The following CELF4 variants were observed in gnomAD, a reference collection of about 807,000 sequenced individuals.
The protein encoded by CELF4 is CUGBP Elav-like family member 4, also known as CUG-BP- and ETR-3-like factor 4.
Under a neutral mutation model 59.9 loss-of-function variants are expected in CELF4, and 18 were observed. That is an observed-to-expected ratio of 0.30 (90% CI 0.21 to 0.45). CELF4 has a LOEUF of 0.45. Among genes scored for constraint, CELF4 ranks in the 20% least tolerant of loss-of-function variants. CELF4 has a pLI of 1.00. For missense variants in CELF4, 456 were observed against 689.0 expected, an observed-to-expected ratio of 0.66 and a Z score of 3.79; for synonymous variants, 261 against 267.1, an observed-to-expected ratio of 0.98 and a Z score of 0.22.
rs577901089 is a variant in CELF4 at position 37,436,358 on chromosome 18, G to A, written c.369+49167C>T. 1.1e-4 allele frequency among the ~76,000 whole-genome samples: 16 copies of A among 152,326 alleles called. No homozygotes were observed. In the South Asian group the frequency reaches 2.1e-3, roughly 20 times the overall value. On this transcript the variant is annotated intron_variant, in intron 2 of 12. Transcript: ENST00000420428. ...ACCATTTCCTGAGGGCTTCCTGCCC[G>A]GGGTGCTGTGCTAAAAGCTCCTCGC...
intron 1 of CELF4, among the ~76,000 whole-genome samples, chr18:37,504,757 A>G (rs115156001): frequency 0.018 from 2,719 of 152,124 alleles, 88 homozygotes; most frequent in African/African-American, 0.062. Context: ...CACTGGCTCT[A>G]TTTTCATTTT....
intron 2 of CELF4, among the ~76,000 whole-genome samples, chr18:37,330,325 G>A (rs2154530828): frequency 6.6e-6 from 1 of 152,296 alleles, no homozygotes; most frequent in South Asian, 2.1e-4. Flanking sequence ...AGTCGCTGTG[G>A]GAGGAAAGAA....
intron 2 of CELF4, among the ~76,000 whole-genome samples, chr18:37,342,906 G>A (rs1466194298): frequency 6.6e-6 from 1 of 152,190 alleles, no homozygotes; most frequent in Admixed American, 6.5e-5. Context: ...CCTATGTCAT[G>A]TCCCTGGCGG....
At chr18:37,428,070 C>A (rs946222805) in intron 2 of CELF4, among the ~76,000 whole-genome samples, 3 of 152,242 alleles carry the variant, frequency 2.0e-5, no homozygotes, top group African/African-American at 7.2e-5. Flanking sequence ...GTTCTGGGAG[C>A]AGCAGCTACC....
At chr18:37,266,436 G>A (rs1036411422) in intron 9 of CELF4, 97 bp downstream of exon 9, 2 of 1,173,756 alleles carry the variant, frequency 1.7e-6, no homozygotes, top group Admixed American at 2.0e-5. Context: ...CCCACCCCAT[G>A]CAGTGCTGGC....
chr18:37,365,729 G>A (rs926807986), intron 2 of CELF4, among the ~76,000 whole-genome samples: 3 of 151,976 alleles, frequency 2.0e-5, no homozygotes, highest in African/African-American at 4.8e-5. Flanking sequence ...CAGGTGATCC[G>A]CCCGCCTTGG....
chr18:37,293,373 G>A (rs1012070901), intron 3 of CELF4, among the ~76,000 whole-genome samples: 8 of 152,122 alleles, frequency 5.3e-5, no homozygotes, highest in African/African-American at 1.4e-4. Context: ...TTGTAGCTGC[G>A]TCACTCCAGT....
chr18:37,561,847 C>A (rs995262417), intron 1 of CELF4, among the ~76,000 whole-genome samples: 7 of 152,146 alleles, frequency 4.6e-5, no homozygotes, highest in African/African-American at 1.7e-4. Flanking sequence ...TCTCTTTAAT[C>A]AATAGTACAA....
intron 2 of CELF4, among the ~76,000 whole-genome samples, chr18:37,393,711 G>GGT (rs1268349350): frequency 6.6e-6 from 1 of 152,092 alleles, no homozygotes; most frequent in African/African-American, 2.4e-5. Context: ...AGTCTCTCTT[G>GGT]GTGACAGGTG....
At chr18:37,361,536 G>A (rs1342262046) in intron 2 of CELF4, among the ~76,000 whole-genome samples, 1 of 152,154 alleles carries the variant, frequency 6.6e-6, no homozygotes, top group Non-Finnish European at 1.5e-5. Context: ...TATGCAAATC[G>A]AGAGTCTTGG....
intron 2 of CELF4, among the ~76,000 whole-genome samples, chr18:37,394,208 GCCACCTC>G (rs1234016906): frequency 6.6e-6 from 1 of 152,172 alleles, no homozygotes; most frequent in Non-Finnish European, 1.5e-5. Context: ...CTCGGCAGCC[GCCACCTC>G]CCACTCTGGA....
At chr18:37,528,436 G>A (rs1005064543) in intron 1 of CELF4, among the ~76,000 whole-genome samples, 2 of 152,180 alleles carry the variant, frequency 1.3e-5, no homozygotes, top group South Asian at 2.1e-4. Flanking sequence ...ATGTCTTATC[G>A]GTGGGGGGTC....
At chr18:37,562,758 A>T (rs974214259) in intron 1 of CELF4, among the ~76,000 whole-genome samples, 1 of 152,226 alleles carries the variant, frequency 6.6e-6, no homozygotes, top group African/African-American at 2.4e-5. Flanking sequence ...CTCTTCTAGG[A>T]CTGAATAAAC....
chr18:37,442,976 C>T (rs1354247940), intron 2 of CELF4, among the ~76,000 whole-genome samples: 2 of 152,202 alleles, frequency 1.3e-5, no homozygotes, highest in Admixed American at 6.5e-5. Flanking sequence ...CTTCCCACTA[C>T]CTTTTGCTTT....
intron 2 of CELF4, among the ~76,000 whole-genome samples, chr18:37,434,375 T>G (rs2154600899): frequency 6.6e-6 from 1 of 152,216 alleles, no homozygotes; most frequent in South Asian, 2.1e-4. Context: ...ACCACTGAAA[T>G]TTGACTTCCA....
At chr18:37,520,249 G>A (rs1368088382) in intron 1 of CELF4, among the ~76,000 whole-genome samples, 1 of 152,200 alleles carries the variant, frequency 6.6e-6, no homozygotes, top group Non-Finnish European at 1.5e-5. Context: ...GCTGGGCCCT[G>A]GGCCTGGCCA....
At chr18:37,377,526 A>G (rs925904095) in intron 2 of CELF4, among the ~76,000 whole-genome samples, 2 of 152,194 alleles carry the variant, frequency 1.3e-5, no homozygotes, top group Non-Finnish European at 2.9e-5. Context: ...AGGCTGGGCT[A>G]GTGCCAGCTG....
At chr18:37,282,585 G>T (rs1046732277) in intron 3 of CELF4, among the ~76,000 whole-genome samples, 2 of 152,146 alleles carry the variant, frequency 1.3e-5, no homozygotes, top group African/African-American at 4.8e-5. Context: ...ACTGCCCCAG[G>T]GGGCAGCATA....
chr18:37,369,270 TG>T (rs2098829069), intron 2 of CELF4, among the ~76,000 whole-genome samples: 1 of 152,186 alleles, frequency 6.6e-6, no homozygotes, highest in Non-Finnish European at 1.5e-5. Flanking sequence ...AGCGGGAGGC[TG>T]GGCTCTCTCT....
Sources: allele counts gnomAD v4.1 joint callset (sites outside exome capture counted in the v4.1 genomes callset), GRCh38; gene constraint gnomAD v4.1.1; transcripts MANE v1.5; gene names NCBI Gene and HGNC (gene_info 2026-07-23, HGNC 2026-07-21).